WDPCP: variants seen among roughly 807,000 people sequenced by gnomAD.
The protein encoded by WDPCP is WD repeat containing planar cell polarity effector.
Under a neutral mutation model 93.1 loss-of-function variants are expected in WDPCP, and 71 were observed. The observed-to-expected ratio is 0.76, with a 90% confidence interval of 0.63 to 0.93. The LOEUF (loss-of-function observed/expected upper bound fraction) is 0.93. Ranked by LOEUF, WDPCP falls within the 40% of genes least tolerant of loss-of-function variation. The probability of loss-of-function intolerance (pLI) is 0.00; values close to 1 mark genes in which losing one functional copy is unlikely to be tolerated. For missense variants in WDPCP, 844 were observed against 887.4 expected (o/e 0.95, Z 0.62); for synonymous variants, 315 against 315.0 (o/e 1.00, Z 0.00).
At chr2:63,359,651 C>CTTT in intron 12 of WDPCP, 1 of 152,180 alleles carries the variant, frequency 6.6e-6, no homozygotes, top group South Asian at 2.1e-4. Context: ...CTCTCTTAGG[C>CTTT]ATTTATTCCA....
intron 9 of WDPCP, among the ~76,000 whole-genome samples, chr2:63,419,435 C>T (rs566621355): frequency 2.0e-5 from 3 of 152,216 alleles, no homozygotes; most frequent in East Asian, 3.9e-4. Flanking sequence ...CCACTGCGCC[C>T]GGCCCCTTAA....
intron 3 of WDPCP, chr2:63,597,723 C>A: frequency 1.7e-6 from 1 of 602,454 alleles, no homozygotes; most frequent in Non-Finnish European, 2.5e-6. Flanking sequence ...GCTTGATAAG[C>A]TCTCCCTTTC....
chr2:63,382,343 T>TG (rs1378339314), intron 10 of WDPCP, among the ~76,000 whole-genome samples: 8 of 151,960 alleles, frequency 5.3e-5, no homozygotes, highest in African/African-American at 1.7e-4. Flanking sequence ...AAACAAAGAT[T>TG]GGGGGGTGGC....
intron 2 of WDPCP, 35 bp downstream of exon 2, chr2:63,492,821 T>A: frequency 6.3e-7 from 1 of 1,584,322 alleles, no homozygotes; most frequent in South Asian, 1.1e-5. Context: ...GTAACATATT[T>A]GAAAAATATT....
At chr2:63,600,996 A>C (rs2106618637) in intron 3 of WDPCP, among the ~76,000 whole-genome samples, 1 of 152,332 alleles carries the variant, frequency 6.6e-6, no homozygotes, top group East Asian at 1.9e-4. Flanking sequence ...TTCTGCTTCC[A>C]AAGGTACTTC....
At chr2:63,576,221 C>T (rs1708104749) in intron 1 of WDPCP, among the ~76,000 whole-genome samples, 2 of 152,112 alleles carry the variant, frequency 1.3e-5, no homozygotes, top group South Asian at 4.1e-4. Context: ...ACGACTCAGT[C>T]CCACAAGACT....
In WDPCP at chr2:63,622,874, G is replaced by A. The variant is rs1246686625; in HGVS notation, n.488+27785C>T. On this transcript the variant is annotated intron_variant and non_coding_transcript_variant, in intron 3 of 4. Coordinates refer to the WDPCP transcript ENST00000467687. ...GCTCAGCACCCGCGCAGCATCAGGG[G>A]TGCGGAGCCTGGGAGGCACGCGGGG... 10 of 1,539,434 alleles carry A rather than the reference G, an allele frequency of 6.5e-6. No homozygotes were observed. In the African/African-American group the frequency reaches 6.8e-5, roughly 10 times the overall value.
intron 10 of WDPCP, among the ~76,000 whole-genome samples, chr2:63,395,251 A>C (rs1693619381): frequency 6.6e-6 from 1 of 152,158 alleles, no homozygotes; most frequent in African/African-American, 2.4e-5. Flanking sequence ...TGTTTTTTAT[A>C]GATTTAGGGA....
chr2:63,551,670 T>C (rs1705658920), intron 1 of WDPCP, among the ~76,000 whole-genome samples: 1 of 152,192 alleles, frequency 6.6e-6, no homozygotes, highest in Non-Finnish European at 1.5e-5. Flanking sequence ...ACTCCTATCA[T>C]GACAAGGACA....
the WDPCP span, among the ~76,000 whole-genome samples, chr2:63,835,557 C>T: frequency 1.3e-5 from 2 of 151,562 alleles, no homozygotes; most frequent in African/African-American, 4.9e-5. Flanking sequence ...AATTTTCCTC[C>T]CTGTGGGTTT....
chr2:63,597,525 T>C, intron 3 of WDPCP: 2 of 1,504,492 alleles, frequency 1.3e-6, no homozygotes, highest in Non-Finnish European at 1.8e-6. Flanking sequence ...GTGAAAATCT[T>C]CAAATCCCAG....
At chr2:63,484,832 G>T (rs1558696489) in intron 5 of WDPCP, 85 bp downstream of exon 5, 2 of 1,518,124 alleles carry the variant, frequency 1.3e-6, no homozygotes, top group South Asian at 2.3e-5. Flanking sequence ...CATGAGAGTT[G>T]ATCCTTTATG....
intron 17 of WDPCP, among the ~76,000 whole-genome samples, chr2:63,136,453 T>C (rs1670625378): frequency 6.6e-6 from 1 of 152,114 alleles, no homozygotes; most frequent in Non-Finnish European, 1.5e-5. Context: ...ATAAAATATA[T>C]AATGTATTAT....
chr2:63,361,238 A>C (rs1171750732), intron 12 of WDPCP, among the ~76,000 whole-genome samples: 2 of 152,216 alleles, frequency 1.3e-5, no homozygotes, highest in African/African-American at 4.8e-5. Flanking sequence ...GGACTAGATG[A>C]GAATATTCAG....
chr2:63,271,757 T>G (rs930601885), intron 13 of WDPCP, among the ~76,000 whole-genome samples: 1 of 151,682 alleles, frequency 6.6e-6, no homozygotes, highest in African/African-American at 2.4e-5. Context: ...CCACCAACAC[T>G]AGCACCTGCA....
chr2:63,283,390 A>T (rs554253624), intron 13 of WDPCP, among the ~76,000 whole-genome samples: 1 of 152,336 alleles, frequency 6.6e-6, no homozygotes, highest in Non-Finnish European at 1.5e-5. Context: ...TATTTGTATA[A>T]TTATTCAAAC....
chr2:63,518,181 C>T (rs989786512), intron 1 of WDPCP: 1 of 152,248 alleles, frequency 6.6e-6, no homozygotes, highest in Non-Finnish European at 1.5e-5. Context: ...AGCCACCACG[C>T]CTGGCCTAGT....
At chr2:63,666,005 C>A (rs1241431272) in intron 2 of WDPCP, among the ~76,000 whole-genome samples, 1 of 152,222 alleles carries the variant, frequency 6.6e-6, no homozygotes, top group African/African-American at 2.4e-5. Context: ...GGGCAGACAT[C>A]TGCACAACAT....
At chr2:63,129,706 C>T (rs917326596) in intron 17 of WDPCP, among the ~76,000 whole-genome samples, 1 of 152,272 alleles carries the variant, frequency 6.6e-6, no homozygotes, top group Non-Finnish European at 1.5e-5. Flanking sequence ...TTTGCAAATA[C>T]AGTTGTCGCT....
Sources: gnomAD v4.1 joint callset for allele counts (sites outside exome capture counted in the v4.1 genomes callset) on GRCh38, gnomAD v4.1.1 for gene constraint, MANE v1.5 for transcripts, NCBI Gene and HGNC (gene_info 2026-07-23, HGNC 2026-07-21) for gene names.